Variants in TAF12 observed in about 807,000 individuals in gnomAD.
TAF12 encodes the protein TATA-box binding protein associated factor 12.
TAF12 carries 3 observed loss-of-function variants against 20.8 expected under a neutral mutation model. The ratio of observed to expected loss-of-function variants is 0.14; its 90% confidence interval spans 0.07 to 0.37. TAF12 has a LOEUF of 0.37. Ranked by LOEUF, TAF12 falls within the 10% of genes least tolerant of loss-of-function variation. TAF12 has a pLI of 1.00. For missense variants in TAF12, 131 were observed against 197.9 expected, an observed-to-expected ratio of 0.66 and a Z score of 2.03; for synonymous variants, 69 against 70.2, an observed-to-expected ratio of 0.98 and a Z score of 0.09.
At chr1:28,628,980 G>A (rs1483251435) in intron 1 of TAF12, among the ~76,000 whole-genome samples, 1 of 152,220 alleles carries the variant, frequency 6.6e-6, no homozygotes, top group Non-Finnish European at 1.5e-5. Context: ...GCTGAGGCAG[G>A]AGAATCGCTT....
chr1:28,632,818 A>G (rs1667679257), intron 1 of TAF12, among the ~76,000 whole-genome samples: 1 of 152,022 alleles, frequency 6.6e-6, no homozygotes, highest in African/African-American at 2.4e-5. Context: ...GTCATATTCT[A>G]TGAGTTATGA....
At chr1:28,643,083 A>G (rs557252484), upstream of TAF12, 4 of 985,638 alleles carry the variant, frequency 4.1e-6, no homozygotes, top group African/African-American at 7.0e-5. Flanking sequence ...GCCCTCCCCG[A>G]CTACTTCCGG....
intron 2 of TAF12, among the ~76,000 whole-genome samples, chr1:28,620,214 A>G (rs1667169988): frequency 6.6e-6 from 1 of 150,626 alleles, no homozygotes; most frequent in Non-Finnish European, 1.5e-5. Context: ...GCTCACTGCA[A>G]CCTCTGCCTC....
intron 1 of TAF12, among the ~76,000 whole-genome samples, chr1:28,624,974 A>G (rs2124346412): frequency 6.6e-6 from 1 of 152,276 alleles, no homozygotes; most frequent in African/African-American, 2.4e-5. Context: ...CATTACCAAT[A>G]GAAGAGTCAG....
chr1:28,613,293 A>G lies in TAF12; in HGVS notation c.315T>C (p.His105=). Residue 105 remains histidine, a synonymous_variant, in exon 4 of 6, where the codon CAT becomes CAC. Coordinates refer to ENST00000373824, the MANE Select transcript of TAF12 (RefSeq NM_005644.4). ...TCACCTCCAGGGTGCTAGACTTGCG[A>G]TGCCGCGCAAGCTGACAGGCTGCTG... ...VVTAACQLAR[H]RKSSTLEVKD... 1 of 1,612,496 alleles carries G rather than the reference A, an allele frequency of 6.2e-7. No individual in the cohort carries two copies. Among genetic ancestry groups the G allele is most frequent in the Non-Finnish European group, 8.5e-7 (1 of 1,179,428 alleles).
intron 1 of TAF12, 179 bp downstream of exon 1, chr1:28,642,813 C>T: frequency 1.0e-6 from 1 of 985,820 alleles, no homozygotes; most frequent in Non-Finnish European, 1.2e-6. Context: ...GAGCCCGGGT[C>T]CCCACAGCCG....
chr1:28,627,480 T>G (rs112304839), intron 1 of TAF12, among the ~76,000 whole-genome samples: 6,607 of 147,426 alleles, frequency 0.045, 202 homozygotes, highest in Non-Finnish European at 0.072. Flanking sequence ...GATCACAAGG[T>G]CAGGAGATCG....
intron 1 of TAF12, among the ~76,000 whole-genome samples, chr1:28,626,033 T>G (rs1570320047): frequency 6.6e-6 from 1 of 151,164 alleles, no homozygotes; most frequent in Non-Finnish European, 1.5e-5. Context: ...CAGGCTGGAG[T>G]GCAGCGGTGT....
intron 1 of TAF12, among the ~76,000 whole-genome samples, chr1:28,635,093 G>A (rs1667771193): frequency 6.7e-6 from 1 of 148,852 alleles, no homozygotes; most frequent in African/African-American, 2.5e-5. Flanking sequence ...AGACAGGCAT[G>A]GTGGCGGGTG....
At position 28,603,266 on chromosome 1, in the gene TAF12, AG is replaced by A. The variant is rs1188507949; in HGVS notation, c.*272del. ...GACCATAATGCTTTGTCCCATATTC[AG>A]TCACTTATATAATAAACCACAAATA... On this transcript the variant is annotated 3_prime_UTR_variant, in exon 6 of 6. Coordinates refer to ENST00000373824, the MANE Select transcript of TAF12 (RefSeq NM_005644.4). The A allele has an allele frequency of 4.3e-6, 2 of 464,636 alleles. No individual in the cohort carries two copies. The highest frequency in any genetic ancestry group is 7.7e-6 in the Non-Finnish European group (2 of 259,872). 28.8% of individuals were successfully genotyped at this position (464,636 alleles called of 1,614,324 possible).
intron 1 of TAF12, among the ~76,000 whole-genome samples, chr1:28,635,498 G>A (rs1557473564): frequency 6.6e-6 from 1 of 151,154 alleles, no homozygotes; most frequent in Non-Finnish European, 1.5e-5. Flanking sequence ...GTAGACATGG[G>A]GTTTCACCGT....
chr1:28,619,658 A>C (rs935471531), intron 2 of TAF12, among the ~76,000 whole-genome samples: 2 of 147,238 alleles, frequency 1.4e-5, no homozygotes, highest in Non-Finnish European at 1.5e-5. Context: ...AAAAAAAAAA[A>C]AAAAAAAAAA....
At chr1:28,627,832 G>A (rs1445132061) in intron 1 of TAF12, among the ~76,000 whole-genome samples, 1 of 151,942 alleles carries the variant, frequency 6.6e-6, no homozygotes, top group Non-Finnish European at 1.5e-5. Flanking sequence ...CTAAGCAAAC[G>A]ATTTCTTCCT....
intron 3 of TAF12, among the ~76,000 whole-genome samples, chr1:28,613,621 C>CT (rs1462241384): frequency 6.6e-6 from 1 of 152,212 alleles, no homozygotes; most frequent in African/African-American, 2.4e-5. Flanking sequence ...CCCTCCATAT[C>CT]TTTATTTATT....
upstream of TAF12, among the ~76,000 whole-genome samples, chr1:28,645,710 C>T (rs1370488876): frequency 6.6e-6 from 1 of 152,010 alleles, no homozygotes; most frequent in Non-Finnish European, 1.5e-5. Flanking sequence ...GTGGCTCACG[C>T]CTGTAATCCC....
intron 1 of TAF12, among the ~76,000 whole-genome samples, chr1:28,634,257 T>C (rs902426166): frequency 3.3e-5 from 4 of 119,806 alleles, no homozygotes; most frequent in African/African-American, 1.3e-4. Flanking sequence ...CTACTAAAAA[T>C]ACAAAAAAAT....
In TAF12 at chr1:28,606,248, C is replaced by T. The variant is rs147930269; in HGVS notation, c.362-788G>A. 7.8e-3 allele frequency among the ~76,000 whole-genome samples: 1,188 copies of T among 152,216 alleles called. 13 individuals carry two copies. The highest frequency in any genetic ancestry group is 0.027 in the African/African-American group (1,117 of 41,534). ...TCCTGACCTCGTGATCCACCCACCT[C>T]GAACTCCCAAAGTTCTAGGATTACA... is the stretch of plus-strand genomic sequence containing the variant. On this transcript the variant is annotated intron_variant, in intron 4 of 5. Transcript: ENST00000373824.
chr1:28,645,911 C>T (rs544350865), upstream of TAF12, among the ~76,000 whole-genome samples: 4 of 150,130 alleles, frequency 2.7e-5, no homozygotes, highest in African/African-American at 7.4e-5. Flanking sequence ...GAGGTTGAAG[C>T]GAGCCGAGAT....
intron 4 of TAF12, among the ~76,000 whole-genome samples, chr1:28,611,411 T>G (rs1666856759): frequency 6.6e-6 from 1 of 152,252 alleles, no homozygotes; most frequent in African/African-American, 2.4e-5. Context: ...GTCTTAACCT[T>G]AAGTACCTCC....
Sources: allele counts gnomAD v4.1 joint callset (sites outside exome capture counted in the v4.1 genomes callset), GRCh38; gene constraint gnomAD v4.1.1; transcripts MANE v1.5; gene names NCBI Gene and HGNC (gene_info 2026-07-23, HGNC 2026-07-21).